The following CDK14 variants were observed in gnomAD, a reference collection of about 807,000 sequenced individuals.
CDK14 encodes the protein cyclin-dependent kinase 14.
A neutral mutation model predicts 60.7 loss-of-function variants in CDK14; 34 were observed. That is an observed-to-expected ratio of 0.56 (90% CI 0.43 to 0.75). CDK14 has a LOEUF of 0.75. Among genes scored for constraint, CDK14 ranks in the 30% least tolerant of loss-of-function variants. The probability of loss-of-function intolerance (pLI) is 0.00; values close to 1 mark genes in which losing one functional copy is unlikely to be tolerated. For missense variants in CDK14, 482 were observed against 564.1 expected (o/e 0.85, Z 1.47); for synonymous variants, 197 against 203.7 (o/e 0.97, Z 0.28).
chr7:90,760,808 A>T (rs991114626), intron 4 of CDK14, among the ~76,000 whole-genome samples: 1 of 152,254 alleles, frequency 6.6e-6, no homozygotes, highest in Admixed American at 6.5e-5. Flanking sequence ...GCAGTTCACA[A>T]TATGGGATTT....
chr7:90,667,685 T>TGTGTAGTA lies in CDK14; in HGVS notation c.124-58882_124-58881insGTGTAGTA, dbSNP rs1801012798. ...CCTGGGTTCACACCATTCTCCTGCC[T>TGTGTAGTA]CAACCTCCTGAGTAGCTGGGACTAT... On this transcript the variant is annotated intron_variant, in intron 2 of 14. Transcript: ENST00000380050. Among the ~76,000 whole-genome samples the TGTGTAGTA allele has an allele frequency of 2.0e-5, 3 of 152,106 alleles. No individual in the cohort carries two copies. The South Asian group carries it at 6.2e-4, about 32-fold the overall frequency.
intron 2 of CDK14, among the ~76,000 whole-genome samples, chr7:90,714,028 C>T (rs1372489496): frequency 6.6e-6 from 1 of 152,002 alleles, no homozygotes; most frequent in Non-Finnish European, 1.5e-5. Context: ...TCTAGAAATC[C>T]TTGATTTCCA....
chr7:90,826,611 T>C lies in CDK14; in HGVS notation c.544+35959T>C, dbSNP rs1789731785. ...TAGCAGGAAGGCAAGGTTGGGGGAG[T>C]TTTTTGTTTTTTAAAAAGGCTTAAT... On this transcript the variant is annotated intron_variant, in intron 5 of 14. Transcript: ENST00000380050. 2.6e-5 allele frequency among the ~76,000 whole-genome samples: 4 copies of C among 152,102 alleles called. No individual in the cohort carries two copies. In the South Asian group the frequency reaches 8.3e-4, roughly 32 times the overall value.
chr7:90,710,077 A>G (rs1802004482), intron 2 of CDK14: 1 of 911,172 alleles, frequency 1.1e-6, no homozygotes, highest in African/African-American at 1.8e-5. Context: ...ATGTCATTTT[A>G]CTCACTTCCT....
At chr7:91,201,026 ATTAT>A (rs1421809875) in intron 14 of CDK14, among the ~76,000 whole-genome samples, 4 of 152,074 alleles carry the variant, frequency 2.6e-5, no homozygotes, top group Non-Finnish European at 5.9e-5. Flanking sequence ...TATTACCTGG[ATTAT>A]TTATTTTTAT....
intron 4 of CDK14, among the ~76,000 whole-genome samples, chr7:90,784,306 T>G (rs1053553166): frequency 5.3e-5 from 8 of 152,124 alleles, no homozygotes; most frequent in African/African-American, 1.9e-4. Context: ...GGTTGATTAA[T>G]AGGCACAAAA....
intron 2 of CDK14, among the ~76,000 whole-genome samples, chr7:90,630,834 A>C (rs529810042): frequency 6.6e-6 from 1 of 151,326 alleles, no homozygotes; most frequent in South Asian, 2.1e-4. Context: ...ATCTCACTAC[A>C]TCATTAAATC....
intron 13 of CDK14, among the ~76,000 whole-genome samples, chr7:91,116,022 T>A (rs967679068): frequency 6.6e-6 from 1 of 152,136 alleles, no homozygotes; most frequent in Non-Finnish European, 1.5e-5. Flanking sequence ...CACCCTGTCA[T>A]TCTCCCTCTG....
chr7:91,130,685 A>C (rs1217008459), intron 14 of CDK14, among the ~76,000 whole-genome samples: 2 of 152,162 alleles, frequency 1.3e-5, no homozygotes, highest in Non-Finnish European at 2.9e-5. Flanking sequence ...GTGTTCACAC[A>C]GGTATCATCT....
At chr7:90,600,392 G>A (rs563095105) in intron 1 of CDK14, among the ~76,000 whole-genome samples, 1 of 152,064 alleles carries the variant, frequency 6.6e-6, no homozygotes, top group East Asian at 1.9e-4. Flanking sequence ...GTATGATTAA[G>A]GTCAAACTGA....
intron 5 of CDK14, among the ~76,000 whole-genome samples, chr7:90,799,384 G>A (rs1322096578): frequency 6.6e-6 from 1 of 152,036 alleles, no homozygotes; most frequent in Admixed American, 6.6e-5. Flanking sequence ...GCTAGCATGT[G>A]GTAGAGCTAA....
intron 2 of CDK14, among the ~76,000 whole-genome samples, chr7:90,638,787 T>G (rs1462106948): frequency 3.3e-5 from 5 of 152,120 alleles, no homozygotes; most frequent in Non-Finnish European, 7.3e-5. Context: ...GTAGATTTGG[T>G]CTTTTCACAT....
chr7:90,603,395 C>T (rs1415371954), intron 1 of CDK14, among the ~76,000 whole-genome samples: 1 of 152,072 alleles, frequency 6.6e-6, no homozygotes, highest in Non-Finnish European at 1.5e-5. Flanking sequence ...TACACAAATA[C>T]TTGCCATTGT....
At chr7:91,065,906 G>A (rs1290098767) in intron 11 of CDK14, among the ~76,000 whole-genome samples, 1 of 152,190 alleles carries the variant, frequency 6.6e-6, no homozygotes, top group Non-Finnish European at 1.5e-5. Flanking sequence ...TGTTTGAAAT[G>A]TAACCAGAGT....
Position 91,085,436 on chromosome 7 carries a change from T to C in CDK14, c.1154+5956T>C, listed in dbSNP as rs181332271. On this transcript the variant is annotated intron_variant, in intron 12 of 14. Transcript: ENST00000380050. ...GACTTCCTGTCTGCCCCATTTCCTC[T>C]GCCTCCAGCAGGAGAAAGTTCTCTG... is the stretch of plus-strand genomic sequence containing the variant. Among the ~76,000 whole-genome samples, 20 of 152,332 alleles carry C rather than the reference T, an allele frequency of 1.3e-4. No individual in the cohort carries two copies. In the East Asian group the frequency reaches 3.7e-3, roughly 28 times the overall value.
At chr7:90,964,481 A>G (rs936083289) in intron 9 of CDK14, among the ~76,000 whole-genome samples, 1 of 152,182 alleles carries the variant, frequency 6.6e-6, no homozygotes, top group African/African-American at 2.4e-5. Flanking sequence ...TGTAACAATA[A>G]AACCTATTTT....
chr7:91,194,199 G>C (rs1802460887), intron 14 of CDK14, among the ~76,000 whole-genome samples: 1 of 152,146 alleles, frequency 6.6e-6, no homozygotes, highest in Non-Finnish European at 1.5e-5. Flanking sequence ...GTAAATCCAA[G>C]CATGAGTATT....
intron 2 of CDK14, among the ~76,000 whole-genome samples, chr7:90,643,608 TC>T (rs1800393721): frequency 6.6e-6 from 1 of 152,164 alleles, no homozygotes; most frequent in Admixed American, 6.5e-5. Context: ...GGCCCTTATT[TC>T]TCATGCCCAA....
Position 91,057,783 on chromosome 7 carries a change from A to G in CDK14, c.1105+11823A>G, listed in dbSNP as rs1393818748. On this transcript the variant is annotated intron_variant, in intron 11 of 14. Transcript: ENST00000380050. The stretch of plus-strand genomic sequence containing the variant: ...GGTCTATATCTCTGTTTTGGTACCA[A>G]TACCATGCTGTTTTGGTTACTGTAG... Among the ~76,000 whole-genome samples the G allele has an allele frequency of 7.9e-3, 1,201 of 151,842 alleles. 17 individuals are homozygous for G. Among genetic ancestry groups the G allele is most frequent in the African/African-American group, 0.026 (1,095 of 41,348 alleles).
Sources: gnomAD v4.1 joint callset for allele counts (sites outside exome capture counted in the v4.1 genomes callset) on GRCh38, gnomAD v4.1.1 for gene constraint, MANE v1.5 for transcripts, NCBI Gene and HGNC (gene_info 2026-07-23, HGNC 2026-07-21) for gene names.